USP8: variants seen among roughly 807,000 people sequenced by gnomAD.
The protein encoded by USP8 is ubiquitin specific peptidase 8.
USP8 carries 27 observed loss-of-function variants against 130.0 expected under a neutral mutation model. That is an observed-to-expected ratio of 0.21 (90% CI 0.15 to 0.29). The LOEUF (loss-of-function observed/expected upper bound fraction) is 0.29. Among genes scored for constraint, USP8 ranks in the 10% least tolerant of loss-of-function variants. The probability of loss-of-function intolerance (pLI) is 1.00; values close to 1 mark genes in which losing one functional copy is unlikely to be tolerated. For missense variants in USP8, 1,029 were observed against 1,312.2 expected, an observed-to-expected ratio of 0.78 and a Z score of 3.33; for synonymous variants, 392 against 444.1, an observed-to-expected ratio of 0.88 and a Z score of 1.48.
In USP8 at chr15:50,513,337, A is replaced by G. The variant is rs2052762192; in HGVS notation, c.*14249A>G. On this transcript the variant is annotated 3_prime_UTR_variant, in exon 20 of 20. Transcript: ENST00000307179. ...AATGGATAATTTATGATATATTCAC[A>G]CAATATACATCATAGGCTAGTGAAA... 6.6e-6 allele frequency: 1 copy of G among 152,170 alleles called. No individual in the cohort carries two copies. The highest frequency in any genetic ancestry group is 1.5e-5 in the Non-Finnish European group (1 of 68,030). The allele number at this position is 152,170 out of a possible 1,614,324, so 9.4% of individuals were successfully genotyped here.
Position 50,453,676 on chromosome 15 carries a change from G to C in USP8, c.335+4191G>C, listed in dbSNP as rs936327832. On this transcript the variant is annotated intron_variant, in intron 4 of 19. Transcript: ENST00000307179. The stretch of plus-strand genomic sequence containing the variant: ...TTTATCTTTACTGACTGTGGGATGG[G>C]GGTTCAAGTTGTAACAATTACTGAG... 2.6e-5 allele frequency among the ~76,000 whole-genome samples: 4 copies of C among 151,920 alleles called. No homozygotes were observed. In the South Asian group the frequency reaches 8.3e-4, roughly 31 times the overall value.
intron 4 of USP8, among the ~76,000 whole-genome samples, chr15:50,450,160 G>A (rs1048667829): frequency 1.3e-5 from 2 of 152,036 alleles, no homozygotes; most frequent in East Asian, 3.9e-4. Flanking sequence ...CTCCCAAAGT[G>A]CTGAGATTAC....
intron 16 of USP8, among the ~76,000 whole-genome samples, 174 bp from the exon 17 acceptor site, chr15:50,495,674 T>G (rs16963744): frequency 0.092 from 14,043 of 152,170 alleles, 1,427 homozygotes; most frequent in African/African-American, 0.25. Flanking sequence ...GAGTGAGTTT[T>G]TTTTGGTATT....
Position 50,505,777 on chromosome 15 carries a change from A to C in USP8, c.*6689A>C, listed in dbSNP as rs948717614. ...AGTTTGAGACCAGCCTGGGCAACAT[A>C]GTGAGACCTGGTCTCTAAAAAAAAT... On this transcript the variant is annotated 3_prime_UTR_variant, in exon 20 of 20. Transcript: ENST00000307179. The C allele has an allele frequency of 1.3e-5, 2 of 152,264 alleles. No homozygotes were observed. Among genetic ancestry groups the C allele is most frequent in the African/African-American group, 4.8e-5 (2 of 41,430 alleles). The allele number at this position is 152,264 out of a possible 1,614,324, so 9.4% of individuals were successfully genotyped here. A position where few individuals can be genotyped will look rare whatever the true frequency, so the allele number is the denominator to read the frequency against.
chr15:50,437,445 T>C (rs28441244), intron 1 of USP8, among the ~76,000 whole-genome samples: 6,195 of 152,338 alleles, frequency 0.041, 160 homozygotes, highest in South Asian at 0.11. Flanking sequence ...TTACACATAT[T>C]CTTGGTTTTT....
intron 7 of USP8, among the ~76,000 whole-genome samples, 182 bp from the exon 8 acceptor site, chr15:50,471,451 G>C (rs745469976): frequency 1.8e-4 from 27 of 152,140 alleles, no homozygotes; most frequent in Non-Finnish European, 3.2e-4. Context: ...TTATACAGTA[G>C]TGAAGGGGTT....
chr15:50,457,620 T>C (rs1303617564), intron 4 of USP8, among the ~76,000 whole-genome samples: 1 of 148,192 alleles, frequency 6.7e-6, no homozygotes, highest in Non-Finnish European at 1.5e-5. Flanking sequence ...CCCAGCACTT[T>C]GGAAGGCTGA....
intron 4 of USP8, among the ~76,000 whole-genome samples, chr15:50,450,458 CATTCTTTTTTTTTTTTTTTTTT>C (rs1395069291): frequency 1.7e-5 from 2 of 120,184 alleles, no homozygotes; most frequent in African/African-American, 6.0e-5. Context: ...AGTCGTTAGT[CATTCTTTTTTTTTTTTTTTTTT>C]TTTTTTGGAG....
At chr15:50,437,239 A>G (rs2141251719) in intron 1 of USP8, among the ~76,000 whole-genome samples, 1 of 152,246 alleles carries the variant, frequency 6.6e-6, no homozygotes, top group Non-Finnish European at 1.5e-5. Context: ...CATACTACCC[A>G]ATTTGAGAAC....
intron 1 of USP8, among the ~76,000 whole-genome samples, chr15:50,438,506 G>A (rs1011888950): frequency 6.6e-6 from 1 of 152,176 alleles, no homozygotes. Context: ...GATTGCTTGA[G>A]CTCGGGAGGT....
intron 1 of USP8, among the ~76,000 whole-genome samples, chr15:50,427,189 A>G (rs1053861102): frequency 4.6e-5 from 7 of 151,892 alleles, no homozygotes; most frequent in Admixed American, 2.0e-4. Context: ...ACCTGCCTCA[A>G]CCTCCGAAAG....
intron 1 of USP8, among the ~76,000 whole-genome samples, chr15:50,429,749 T>A (rs1364169631): frequency 6.6e-6 from 1 of 152,070 alleles, no homozygotes; most frequent in African/African-American, 2.4e-5. Flanking sequence ...TGTTTAGGAG[T>A]GGGATCTGAG....
At chr15:50,466,973 T>C in intron 7 of USP8, 1 of 480,668 alleles carries the variant, frequency 2.1e-6, no homozygotes, top group South Asian at 2.4e-5. Flanking sequence ...AGACATGGGA[T>C]CATTTCCATA....
chr15:50,428,267 C>G (rs934622353), intron 1 of USP8, among the ~76,000 whole-genome samples: 1 of 152,156 alleles, frequency 6.6e-6, no homozygotes, highest in Admixed American at 6.5e-5. Flanking sequence ...CAGGCATATG[C>G]CGCCACGCCC....
At chr15:50,427,556 T>C (rs2049779608) in intron 1 of USP8, among the ~76,000 whole-genome samples, 1 of 137,426 alleles carries the variant, frequency 7.3e-6, no homozygotes, top group East Asian at 2.2e-4. Flanking sequence ...ATAGCCGTAC[T>C]AATTTTTTTT....
chr15:50,488,612 G>A (rs956448145), intron 12 of USP8, among the ~76,000 whole-genome samples: 16 of 144,262 alleles, frequency 1.1e-4, no homozygotes, highest in East Asian at 2.1e-4. Flanking sequence ...CCACCCAGGC[G>A]GGAGTGCAGT....
chr15:50,443,807 T>C (rs2050335023), intron 3 of USP8, among the ~76,000 whole-genome samples: 1 of 152,088 alleles, frequency 6.6e-6, no homozygotes, highest in African/African-American at 2.4e-5. Flanking sequence ...AATCTGTCTT[T>C]GAAGAGGGGG....
chr15:50,482,191 A>AC, intron 11 of USP8, 126 bp downstream of exon 11: 1 of 819,262 alleles, frequency 1.2e-6, no homozygotes, highest in Non-Finnish European at 1.7e-6. Flanking sequence ...GATAGAATGT[A>AC]CTGATCTATC....
At chr15:50,484,104 G>GT (rs1372562010) in intron 11 of USP8, among the ~76,000 whole-genome samples, 171 bp from the exon 12 acceptor site, 2 of 151,320 alleles carry the variant, frequency 1.3e-5, no homozygotes, top group Non-Finnish European at 2.9e-5. Flanking sequence ...GAGTTCTTTA[G>GT]TTTTTTAAGT....
Sources: allele counts gnomAD v4.1 joint callset (sites outside exome capture counted in the v4.1 genomes callset), GRCh38; gene constraint gnomAD v4.1.1; transcripts MANE v1.5; gene names NCBI Gene and HGNC (gene_info 2026-07-23, HGNC 2026-07-21).